Variants in SLTM observed in about 807,000 individuals in gnomAD.
The protein encoded by SLTM is SAFB like transcription modulator.
In SLTM, 43 loss-of-function variants were observed where a neutral mutation model predicts 134.6. The observed-to-expected ratio is 0.32, with a 90% CI of 0.25 to 0.41. The LOEUF (loss-of-function observed/expected upper bound fraction) is 0.41, where lower values mean the gene tolerates loss of function less well. Ranked by LOEUF, SLTM falls within the 10% of genes least tolerant of loss-of-function variation. The pLI is 1.00. For synonymous variants in SLTM, 424 were observed against 432.3 expected (o/e 0.98, Z 0.24); for missense variants, 1,055 against 1,288.8 (o/e 0.82, Z 2.78).
chr15:58,924,460 G>T (rs576329818), intron 2 of SLTM, among the ~76,000 whole-genome samples: 2 of 152,126 alleles, frequency 1.3e-5, no homozygotes, highest in Non-Finnish European at 2.9e-5. Context: ...AGAGTAAAAC[G>T]TTGCATATAC....
In SLTM at chr15:58,897,237, G is replaced by A. The variant is rs751160188; in HGVS notation, c.1109-4C>T. 1 of 1,498,136 alleles carries A rather than the reference G, an allele frequency of 6.7e-7. No individual in the cohort carries two copies. The allele number at this position is 1,498,136 out of a possible 1,614,324, so 92.8% of individuals were successfully genotyped here. ...CCACTAGTACTACTTGTACTTCCTAGAATAGATTTAATATCAGATGTTTAA... is the reference window on the plus strand; with the variant it reads ...CCACTAGTACTACTTGTACTTCCTAAAATAGATTTAATATCAGATGTTTAA... On this transcript the variant is annotated splice_region_variant and splice_polypyrimidine_tract_variant and intron_variant, in intron 8 of 20. Coordinates refer to ENST00000380516, the MANE Select transcript of SLTM (RefSeq NM_024755.4).
In SLTM at chr15:58,916,763, T is replaced by C. The variant is rs1418788021; in HGVS notation, c.315+172A>G. The C allele has an allele frequency of 5.9e-6, 3 of 507,818 alleles. No homozygotes were observed. The East Asian group carries it at 1.0e-4, about 17-fold the overall frequency. The allele number at this position is 507,818 out of a possible 1,614,324, so 31.5% of individuals were successfully genotyped here. On this transcript the variant is annotated intron_variant, in intron 3 of 20. Transcript: ENST00000380516. Reference sequence around the variant, plus strand: ...AAGAAAAAGTTATTTACTATATTTCTCAATTATGAGAGTTAATGAGATTGA... The same window carrying C: ...AAGAAAAAGTTATTTACTATATTTCCCAATTATGAGAGTTAATGAGATTGA...
intron 19 of SLTM, among the ~76,000 whole-genome samples, chr15:58,884,407 C>T (rs1236375627): frequency 6.6e-6 from 1 of 152,040 alleles, no homozygotes; most frequent in Non-Finnish European, 1.5e-5. Context: ...CAACCTCCGC[C>T]CCCCGGATTC....
chr15:58,880,269 CAG>C (rs1290664020), intron 20 of SLTM, among the ~76,000 whole-genome samples, 162 bp from the exon 21 acceptor site: 1 of 152,200 alleles, frequency 6.6e-6, no homozygotes, highest in Non-Finnish European at 1.5e-5. Context: ...ACTGAAGAAA[CAG>C]ATCTGGAGGT....
In SLTM at chr15:58,933,353, C is replaced by T. The variant is rs763534264; in HGVS notation, c.162+51G>A. The T allele has an allele frequency of 2.0e-6, 3 of 1,514,904 alleles. No individual in the cohort carries two copies. The South Asian group carries it at 3.7e-5, about 19-fold the overall frequency. The allele number at this position is 1,514,904 out of a possible 1,614,324, so 93.8% of individuals were successfully genotyped here. Reference sequence around the variant, plus strand: ...CTGCGGCGGAAGCGGGGCGCCGAGGCGCGGCCTAAGTTCCCCTTCCCGGTC... The same window carrying T: ...CTGCGGCGGAAGCGGGGCGCCGAGGTGCGGCCTAAGTTCCCCTTCCCGGTC... On this transcript the variant is annotated intron_variant, in intron 1 of 20. Coordinates refer to ENST00000380516, the MANE Select transcript of SLTM (RefSeq NM_024755.4).
chr15:58,912,655 G>C lies in SLTM; in HGVS notation c.514-45C>G, dbSNP rs558764611. 5.3e-5 allele frequency: 79 copies of C among 1,496,472 alleles called. No individual in the cohort carries two copies. The East Asian group carries it at 1.7e-3, about 32-fold the overall frequency. 92.7% of individuals were successfully genotyped at this position (1,496,472 alleles called of 1,614,324 possible). A position where few individuals can be genotyped will look rare whatever the true frequency, so the allele number is the denominator to read the frequency against. On this transcript the variant is annotated intron_variant, in intron 4 of 20. Transcript: ENST00000380516. ...ATAGCTTTGCTTTATAAAATATCGG[G>C]GTAACGTGAGAATGCTTTTATGCTT...
At chr15:58,926,974 A>G (rs1428652841) in intron 2 of SLTM, among the ~76,000 whole-genome samples, 1 of 152,100 alleles carries the variant, frequency 6.6e-6, no homozygotes, top group African/African-American at 2.4e-5. Context: ...TGACATATAC[A>G]ACCTCTGAGG....
In SLTM at chr15:58,902,880, C is replaced by T. The variant is rs373481120; in HGVS notation, c.562-1593G>A. 9.2e-5 allele frequency among the ~76,000 whole-genome samples: 14 copies of T among 151,796 alleles called. No individual in the cohort carries two copies. In the East Asian group the frequency reaches 1.9e-3, roughly 21 times the overall value. On this transcript the variant is annotated intron_variant, in intron 5 of 20. Transcript: ENST00000380516. The stretch of plus-strand genomic sequence containing the variant: ...CTAGGATTACAGGCACCTGCCACCA[C>T]ACCCAGCTAATTTTTTATTATTATT...
At chr15:58,903,222 A>G (rs1250378500) in intron 5 of SLTM, among the ~76,000 whole-genome samples, 1 of 152,088 alleles carries the variant, frequency 6.6e-6, no homozygotes, top group African/African-American at 2.4e-5. Flanking sequence ...TTTAGTAGAG[A>G]CGGGGTTTCA....
chr15:58,883,959 C>G (rs2033960616), intron 19 of SLTM, among the ~76,000 whole-genome samples, 173 bp from the exon 20 acceptor site: 1 of 151,916 alleles, frequency 6.6e-6, no homozygotes, highest in South Asian at 2.1e-4. Context: ...ATTAGTCAGG[C>G]ATGGTACCCC....
intron 19 of SLTM, among the ~76,000 whole-genome samples, chr15:58,886,214 GA>G (rs770814803): frequency 8.6e-4 from 118 of 137,292 alleles, no homozygotes; most frequent in Non-Finnish European, 1.6e-3. Flanking sequence ...AGGAGAAAAA[GA>G]AGAGTGTGTG....
At chr15:58,904,899 T>C (rs1162763498) in intron 5 of SLTM, among the ~76,000 whole-genome samples, 1 of 152,092 alleles carries the variant, frequency 6.6e-6, no homozygotes, top group Non-Finnish European at 1.5e-5. Context: ...TTAGTAGAGA[T>C]GGGGTTTCAC....
At chr15:58,891,333 G>C (rs1426407729) in intron 14 of SLTM, among the ~76,000 whole-genome samples, 1 of 152,146 alleles carries the variant, frequency 6.6e-6, no homozygotes, top group Non-Finnish European at 1.5e-5. Context: ...ATACCTTTCA[G>C]ATGCCACAAC....
At chr15:58,928,566 AT>A (rs2037644818) in intron 2 of SLTM, among the ~76,000 whole-genome samples, 1 of 152,232 alleles carries the variant, frequency 6.6e-6, no homozygotes, top group Non-Finnish European at 1.5e-5. Flanking sequence ...CATTTAAAAA[AT>A]ATTCTAGGAG....
intron 14 of SLTM, among the ~76,000 whole-genome samples, chr15:58,891,218 C>T (rs2140980299): frequency 6.6e-6 from 1 of 152,248 alleles, no homozygotes; most frequent in South Asian, 2.1e-4. Flanking sequence ...GACCATGGGG[C>T]AGATACTAGT....
chr15:58,932,553 C>G (rs896780336), intron 1 of SLTM, 110 bp from the exon 2 acceptor site: 2 of 680,014 alleles, frequency 2.9e-6, no homozygotes, highest in Non-Finnish European at 5.0e-6. Flanking sequence ...ATTAGAATTG[C>G]CAGTCATTTC....
At chr15:58,894,669 A>G (rs761800257) in intron 9 of SLTM, 87 bp from the exon 10 acceptor site, 98 of 1,230,966 alleles carry the variant, frequency 8.0e-5, no homozygotes, top group Middle Eastern at 2.0e-4. Context: ...AACTGAAACT[A>G]TATATTAATT....
intron 3 of SLTM, among the ~76,000 whole-genome samples, chr15:58,915,446 A>G (rs1339183196): frequency 6.6e-6 from 1 of 152,230 alleles, no homozygotes; most frequent in Non-Finnish European, 1.5e-5. Flanking sequence ...CTGAGTCACA[A>G]TGTTTTTACA....
intron 5 of SLTM, among the ~76,000 whole-genome samples, chr15:58,903,733 G>A (rs1432740599): frequency 6.6e-6 from 1 of 151,532 alleles, no homozygotes; most frequent in African/African-American, 2.4e-5. Flanking sequence ...AAAAGAATGT[G>A]CATCTCTAAC....
Sources: gnomAD v4.1 joint callset for allele counts (sites outside exome capture counted in the v4.1 genomes callset) on GRCh38, gnomAD v4.1.1 for gene constraint, MANE v1.5 for transcripts, NCBI Gene and HGNC (gene_info 2026-07-23, HGNC 2026-07-21) for gene names.